DMD: variants seen among roughly 807,000 people sequenced by gnomAD.
The protein encoded by DMD is mutant dystrophin.
Under a neutral mutation model 330.1 loss-of-function variants are expected in DMD, and 63 were observed. The observed-to-expected ratio is 0.19, with a 90% CI of 0.16 to 0.24. The LOEUF is 0.24. Ranked by LOEUF, DMD falls within the 10% of genes least tolerant of loss-of-function variation. The probability of loss-of-function intolerance (pLI) is 1.00; values close to 1 mark genes in which losing one functional copy is unlikely to be tolerated. For missense variants in DMD, 3,344 were observed against 2,684.1 expected (o/e 1.25, Z -5.43); for synonymous variants, 1,223 against 959.8 (o/e 1.27, Z -5.07).
At chrX:33,145,673 G>T (rs1466867945) in intron 1 of DMD, among the ~76,000 whole-genome samples, 1 of 108,326 alleles carries the variant, frequency 9.2e-6, no homozygotes, top group Non-Finnish European at 1.9e-5. Flanking sequence ...ATGTCCAGTA[G>T]AAAGTATGCT....
intron 7 of DMD, among the ~76,000 whole-genome samples, chrX:32,750,014 G>A (rs2070601405): frequency 8.9e-6 from 1 of 111,826 alleles, no homozygotes; most frequent in Non-Finnish European, 1.9e-5. Context: ...ATTTCCATTG[G>A]ATGAAAAAAC....
rs191574291 is a variant in DMD, at chrX:31,570,647, T to C, written c.8217+57026A>G. ...TTTTGTCAATTCATAAACTGGTCTTTTTTCCCTTTTCGGGCCAGTATAACT... is the reference window on the plus strand; with the variant it reads ...TTTTGTCAATTCATAAACTGGTCTTCTTTCCCTTTTCGGGCCAGTATAACT... On this transcript the variant is annotated intron_variant, in intron 55 of 78. Coordinates refer to ENST00000357033, the MANE Select transcript of DMD (RefSeq NM_004006.3). Among the ~76,000 whole-genome samples, 255 of 109,369 alleles carry C rather than the reference T, an allele frequency of 2.3e-3. 2 individuals are homozygous for C. Among genetic ancestry groups the C allele is most frequent in the African/African-American group, 8.0e-3 (242 of 30,090 alleles). 95.0% of individuals were successfully genotyped at this position (109,369 alleles called of 115,157 possible).
At chrX:33,103,143 T>C (rs1295716162) in intron 1 of DMD, among the ~76,000 whole-genome samples, 1 of 111,843 alleles carries the variant, frequency 8.9e-6, no homozygotes, top group Admixed American at 9.5e-5. Context: ...TAATATTAAT[T>C]GGTAAGACAT....
Position 31,256,055 on chromosome X carries a change from C to T in DMD, c.9286+4900G>A, listed in dbSNP as rs185358346. 4.3e-3 allele frequency among the ~76,000 whole-genome samples: 474 copies of T among 110,287 alleles called. 1 individual carries two copies. Among genetic ancestry groups the T allele is most frequent in the African/African-American group, 0.014 (431 of 30,215 alleles). ...CCTCCCAAAGTGCTGGGATTACAGG[C>T]GTGAGCCACCGTGCCCAGCCCCAAT... On this transcript the variant is annotated intron_variant, in intron 63 of 78. Coordinates refer to ENST00000357033, the MANE Select transcript of DMD (RefSeq NM_004006.3).
At chrX:33,026,125 G>A (rs1230533421) in intron 1 of DMD, among the ~76,000 whole-genome samples, 3 of 108,397 alleles carry the variant, frequency 2.8e-5, no homozygotes, top group Non-Finnish European at 5.7e-5. Flanking sequence ...CATGAGGTCA[G>A]GAGATCAAGA....
At chrX:32,462,100 A>G (rs920033767) in intron 25 of DMD, among the ~76,000 whole-genome samples, 1 of 111,501 alleles carries the variant, frequency 9.0e-6, no homozygotes, top group Non-Finnish European at 1.9e-5. Flanking sequence ...AATTTCCAAA[A>G]AGGTACAGTA....
At chrX:33,058,620 C>G (rs1282922433) in intron 1 of DMD, among the ~76,000 whole-genome samples, 1 of 110,446 alleles carries the variant, frequency 9.1e-6, no homozygotes, top group Non-Finnish European at 1.9e-5. Context: ...TTCTTTTGAA[C>G]ACATACATAT....
rs147653248 is a variant in DMD, at chrX:32,703,211, C to T, written c.650-3918G>A. On this transcript the variant is annotated intron_variant, in intron 7 of 78. Coordinates refer to ENST00000357033, the MANE Select transcript of DMD (RefSeq NM_004006.3). ...AGATTGCTGGACTTCTGACTCCCCC[C>T]GCAAAACCTAAGAATACGCTCCTTT... 9.0e-5 allele frequency among the ~76,000 whole-genome samples: 10 copies of T among 111,643 alleles called. No individual in the cohort carries two copies. In the East Asian group the frequency reaches 2.2e-3, roughly 25 times the overall value.
chrX:32,342,017 G>A, intron 41 of DMD, 83 bp downstream of exon 41: 2 of 947,157 alleles, frequency 2.1e-6, no homozygotes, highest in Admixed American at 3.2e-5. Context: ...CAGATTTTTT[G>A]TCTCTTTTTT....
At chrX:31,560,779 T>C (rs1360222005) in intron 55 of DMD, among the ~76,000 whole-genome samples, 7 of 92,453 alleles carry the variant, frequency 7.6e-5, no homozygotes, top group African/African-American at 1.4e-4. Context: ...AGTAAATATA[T>C]TTTTCTCTTC....
At chrX:32,011,237 T>G (rs765967671) in intron 44 of DMD, among the ~76,000 whole-genome samples, 20 of 112,509 alleles carry the variant, frequency 1.8e-4, no homozygotes, top group Non-Finnish European at 2.6e-4. Context: ...CTGTTTTGTC[T>G]AAAAATCTTA....
intron 7 of DMD, 74 bp from the exon 8 acceptor site, chrX:32,699,367 C>A: frequency 2.4e-6 from 2 of 842,685 alleles, no homozygotes; most frequent in East Asian, 3.1e-5. Flanking sequence ...ATGAACAAAT[C>A]AAAGTTAAAG....
chrX:32,291,767 C>G (rs1012306182), intron 42 of DMD, among the ~76,000 whole-genome samples: 1 of 111,595 alleles, frequency 9.0e-6, no homozygotes, highest in Non-Finnish European at 1.9e-5. Flanking sequence ...AGGCATCAAA[C>G]TGTAGATGTT....
In DMD at chrX:32,287,570, G is replaced by A. The variant is rs2097447468; in HGVS notation, c.6249C>T (p.Phe2083=). Residue 2083 remains phenylalanine (F), a synonymous_variant, in exon 43 of 79, where the codon TTC becomes TTT. Coordinates refer to ENST00000357033, the MANE Select transcript of DMD (RefSeq NM_004006.3). ...ACATTTTGTTAACTTTTTCCCATTG[G>A]AAATCAAGCTGGGAGAGAGCTTCCT... ...KLQEALSQLD[F]QWEKVNKMYK... The A allele has an allele frequency of 8.3e-7, 1 of 1,211,032 alleles. No homozygotes were observed.
intron 7 of DMD, among the ~76,000 whole-genome samples, chrX:32,808,870 T>C (rs16990693): frequency 0.11 from 12,254 of 111,489 alleles, 1,567 homozygotes; most frequent in African/African-American, 0.37. Flanking sequence ...TGTTATTATC[T>C]CTGTAATCTC....
chrX:32,865,201 G>A lies in DMD; in HGVS notation c.94-15381C>T, dbSNP rs1471984502. ...TGCATCATACTGTCCTAAGAAAAAT[G>A]GGAAGATAAAAGATAAAAACATACT... On this transcript the variant is annotated intron_variant, in intron 2 of 78. Transcript: ENST00000357033. Among the ~76,000 whole-genome samples the A allele has an allele frequency of 2.7e-5, 3 of 111,386 alleles. No homozygotes were observed. In the East Asian group the frequency reaches 8.4e-4, roughly 31 times the overall value.
intron 2 of DMD, among the ~76,000 whole-genome samples, chrX:32,890,277 C>T (rs938256567): frequency 9.0e-6 from 1 of 111,641 alleles, no homozygotes; most frequent in African/African-American, 3.3e-5. Context: ...GCCTTGTGGA[C>T]TGCTTTATAT....
intron 44 of DMD, among the ~76,000 whole-genome samples, chrX:32,081,915 T>C (rs2096394644): frequency 9.0e-6 from 1 of 111,278 alleles, no homozygotes; most frequent in African/African-American, 3.3e-5. Context: ...TTTTAGAGTC[T>C]GTTTCCCAGA....
chrX:31,213,244 T>C (rs775683364), intron 64 of DMD, among the ~76,000 whole-genome samples: 2 of 112,794 alleles, frequency 1.8e-5, no homozygotes, highest in East Asian at 5.6e-4. Flanking sequence ...ATCTACACAG[T>C]GCAGAGCCCT....
Sources: allele counts gnomAD v4.1 joint callset (sites outside exome capture counted in the v4.1 genomes callset), GRCh38; gene constraint gnomAD v4.1.1; transcripts MANE v1.5; gene names NCBI Gene and HGNC (gene_info 2026-07-23, HGNC 2026-07-21).